Variants in CUL5 observed in about 807,000 individuals in gnomAD.
The protein encoded by CUL5 is cullin 5, also known as cullin-5.
A neutral mutation model predicts 108.8 loss-of-function variants in CUL5; 26 were observed. The ratio of observed to expected loss-of-function variants is 0.24; its 90% CI spans 0.18 to 0.33. The LOEUF (loss-of-function observed/expected upper bound fraction) is 0.33. Ranked by LOEUF, CUL5 falls within the 10% of genes least tolerant of loss-of-function variation. CUL5 has a pLI of 1.00. For synonymous variants in CUL5, 334 were observed against 298.0 expected (o/e 1.12, Z -1.25); for missense variants, 524 against 909.2 (o/e 0.58, Z 5.45).
At chr11:108,050,801 T>C (rs921744631) in intron 4 of CUL5, among the ~76,000 whole-genome samples, 5 of 152,226 alleles carry the variant, frequency 3.3e-5, no homozygotes, top group African/African-American at 1.2e-4. Flanking sequence ...ACTTAACTCT[T>C]CTATTATAAA....
rs907074558 is a variant in CUL5, at chr11:108,028,567, G to A, written c.25-5235G>A. On this transcript the variant is annotated intron_variant, in intron 1 of 18. Coordinates refer to ENST00000393094, the MANE Select transcript of CUL5 (RefSeq NM_003478.6). ...GATTATGACACTTCAGGCCAGGTGC[G>A]GTGGATCACACCTGTAATCACAGCA... Among the ~76,000 whole-genome samples, 7 of 152,092 alleles carry A rather than the reference G, an allele frequency of 4.6e-5. No individual in the cohort carries two copies. In the East Asian group the frequency reaches 5.8e-4, roughly 13 times the overall value.
In CUL5 at chr11:108,061,192, A is replaced by G. The variant is rs997769206; in HGVS notation, c.780+6237A>G. ...TACAAGGTGAGAGAGATGGCTTATC[A>G]CTATACTTTCCATTCAAGATGTATT... On this transcript the variant is annotated intron_variant, in intron 7 of 18. Transcript: ENST00000393094. Among the ~76,000 whole-genome samples, 6 of 152,340 alleles carry G rather than the reference A, an allele frequency of 3.9e-5. No individual in the cohort carries two copies. The South Asian group carries it at 1.2e-3, about 32-fold the overall frequency.
chr11:108,032,140 C>T (rs998707790), intron 1 of CUL5, among the ~76,000 whole-genome samples: 12 of 152,136 alleles, frequency 7.9e-5, no homozygotes, highest in Non-Finnish European at 5.9e-5. Flanking sequence ...AACAAACCTG[C>T]ACATCCTACA....
At chr11:108,090,741 A>G (rs932504304) in intron 13 of CUL5, among the ~76,000 whole-genome samples, 3 of 151,918 alleles carry the variant, frequency 2.0e-5, no homozygotes, top group African/African-American at 4.8e-5. Context: ...ATTTCTGTGT[A>G]TGTATATAAC....
intron 8 of CUL5, 148 bp from the exon 9 acceptor site, chr11:108,072,184 C>CA (rs1165914299): frequency 2.0e-5 from 12 of 589,328 alleles, no homozygotes; most frequent in Non-Finnish European, 2.7e-5. Flanking sequence ...GTCTCAAAAA[C>CA]AAAAAAACAA....
At chr11:108,065,853 G>A (rs1217467176) in intron 7 of CUL5, among the ~76,000 whole-genome samples, 2 of 152,094 alleles carry the variant, frequency 1.3e-5, no homozygotes, top group African/African-American at 2.4e-5. Flanking sequence ...GGAATGATCG[G>A]TGGAAGCTTC....
At chr11:108,071,787 C>G (rs1373408404) in intron 8 of CUL5, among the ~76,000 whole-genome samples, 1 of 152,072 alleles carries the variant, frequency 6.6e-6, no homozygotes, top group Admixed American at 6.6e-5. Flanking sequence ...CTCCTGGGCT[C>G]AAATGATCCT....
intron 11 of CUL5, chr11:108,084,775 T>TC (rs1319621925): frequency 2.0e-5 from 3 of 152,338 alleles, no homozygotes; most frequent in East Asian, 3.9e-4. Context: ...AGCTATCACT[T>TC]CATACCCAGT....
intron 17 of CUL5, 128 bp from the exon 18 acceptor site, chr11:108,098,278 T>C: frequency 1.3e-6 from 1 of 784,572 alleles, no homozygotes; most frequent in Middle Eastern, 3.2e-4. Context: ...AGGTTATTTG[T>C]CATTTAACCT....
chr11:108,100,262 G>C (rs1375065925), intron 18 of CUL5, among the ~76,000 whole-genome samples: 1 of 152,180 alleles, frequency 6.6e-6, no homozygotes, highest in Non-Finnish European at 1.5e-5. Flanking sequence ...ATAACTTTAG[G>C]CTCGGCGCGG....
At chr11:108,019,491 T>C (rs1468505014) in intron 1 of CUL5, among the ~76,000 whole-genome samples, 2 of 152,180 alleles carry the variant, frequency 1.3e-5, no homozygotes, top group African/African-American at 4.8e-5. Flanking sequence ...GATGTTTTGG[T>C]CAACAACGGA....
chr11:108,032,048 T>G (rs1433245764), intron 1 of CUL5, among the ~76,000 whole-genome samples: 1 of 152,116 alleles, frequency 6.6e-6, no homozygotes, highest in Non-Finnish European at 1.5e-5. Flanking sequence ...AGGGAGAGGA[T>G]CAGGAAAAAT....
intron 13 of CUL5, among the ~76,000 whole-genome samples, chr11:108,090,134 G>C (rs948713918): frequency 1.3e-5 from 2 of 152,058 alleles, no homozygotes; most frequent in East Asian, 1.9e-4. Flanking sequence ...TTCTTGAGTT[G>C]TTTCTACTGT....
At chr11:108,075,634 C>T (rs74637708) in intron 10 of CUL5, among the ~76,000 whole-genome samples, 2,513 of 152,234 alleles carry the variant, frequency 0.017, 67 homozygotes, top group African/African-American at 0.056. Flanking sequence ...CTCCTGGGCT[C>T]AAGCAATCCT....
chr11:108,021,696 T>C (rs1163930645), intron 1 of CUL5, among the ~76,000 whole-genome samples: 1 of 152,146 alleles, frequency 6.6e-6, no homozygotes, highest in African/African-American at 2.4e-5. Context: ...ATTTTGTTTT[T>C]GTAGAGATGG....
At chr11:108,010,266 C>T (rs1056381043) in intron 1 of CUL5, among the ~76,000 whole-genome samples, 1 of 152,220 alleles carries the variant, frequency 6.6e-6, no homozygotes, top group Admixed American at 6.5e-5. Flanking sequence ...ACCGCAGTCA[C>T]TTTTGCACCA....
intron 11 of CUL5, among the ~76,000 whole-genome samples, chr11:108,081,084 C>T (rs754621931): frequency 2.0e-5 from 3 of 151,746 alleles, no homozygotes; most frequent in Non-Finnish European, 4.4e-5. Context: ...GTCAGGAGTT[C>T]AAGACCAGCC....
chr11:108,037,257 A>G (rs1412756982), intron 2 of CUL5, among the ~76,000 whole-genome samples: 1 of 152,032 alleles, frequency 6.6e-6, no homozygotes, highest in African/African-American at 2.4e-5. Context: ...TTCATAGGTA[A>G]TTTTTACCTG....
chr11:108,072,233 T>G, intron 8 of CUL5, 99 bp from the exon 9 acceptor site: 1 of 976,200 alleles, frequency 1.0e-6, no homozygotes, highest in Non-Finnish European at 1.5e-6. Context: ...TGGCATTGTA[T>G]CCACAGAATA....
Sources: allele counts gnomAD v4.1 joint callset (sites outside exome capture counted in the v4.1 genomes callset), GRCh38; gene constraint gnomAD v4.1.1; transcripts MANE v1.5; gene names NCBI Gene and HGNC (gene_info 2026-07-23, HGNC 2026-07-21).